LRRC56: variants seen among roughly 807,000 people sequenced by gnomAD.
LRRC56 encodes the protein leucine-rich repeat-containing protein 56.
LRRC56 carries 41 observed loss-of-function variants against 47.8 expected under a neutral mutation model. The observed-to-expected ratio is 0.86, with a 90% confidence interval of 0.67 to 1.11. The LOEUF is 1.11. Ranked by LOEUF, LRRC56 falls within the 50% of genes most tolerant of loss-of-function variation. The pLI, the probability that LRRC56 is intolerant of heterozygous loss-of-function variation, is 0.00. For missense variants in LRRC56, 759 were observed against 704.2 expected, an observed-to-expected ratio of 1.08 and a Z score of -0.88; for synonymous variants, 387 against 311.2, an observed-to-expected ratio of 1.24 and a Z score of -2.56.
chr11:530,317 G>A, the LRRC56 span, among the ~76,000 whole-genome samples: 2 of 152,242 alleles, frequency 1.3e-5, no homozygotes, highest in African/African-American at 2.4e-5. Flanking sequence ...AGCACGGTGT[G>A]GAAGGAGCCA....
intron 6 of LRRC56, among the ~76,000 whole-genome samples, chr11:546,442 C>T (rs1006017294): frequency 1.3e-5 from 2 of 152,034 alleles, no homozygotes; most frequent in African/African-American, 4.8e-5. Context: ...GTGGTGGGCG[C>T]CTGTAGTCCC....
chr11:544,883 G>T, intron 6 of LRRC56, 103 bp downstream of exon 6: 1 of 1,172,572 alleles, frequency 8.5e-7, no homozygotes, highest in Non-Finnish European at 1.2e-6. Context: ...GGGGGGACTT[G>T]GGCTGGGACC....
rs747702052 is a variant in LRRC56 at position 550,272 on chromosome 11, G to A, written c.624G>A (p.Lys208=). The part of the protein sequence containing the change: ...CLQPAPGPTN[K]VPRGYNYRAE... Reference sequence around the variant, plus strand: ...AGCCGGCCCCTGGCCCCACCAACAAGGTGCGTGTCCCGGGCACCCGGCCAG... The same window carrying A: ...AGCCGGCCCCTGGCCCCACCAACAAAGTGCGTGTCCCGGGCACCCGGCCAG... The change falls in exon 8 of 14, where the codon AAG becomes AAA. Residue 208 remains lysine, a splice_region_variant and synonymous_variant. Transcript: ENST00000270115. 6.3e-7 allele frequency: 1 copy of A among 1,578,850 alleles called. No homozygotes were observed. The highest frequency in any genetic ancestry group is 1.8e-5 in the Admixed American group (1 of 55,986).
At position 551,236 on chromosome 11, in the gene LRRC56, C is replaced by A. The variant is rs376758972; in HGVS notation, c.730C>A (p.Arg244=). 1 of 1,546,398 alleles carries A rather than the reference C, an allele frequency of 6.5e-7. No homozygotes were observed. Residue 244 remains arginine, a synonymous_variant, in exon 9 of 14, where the codon CGG becomes AGG. Transcript: ENST00000270115. ...AAHTGPPAPP[R]LSQDWLAVKE... Reference sequence around the variant, plus strand: ...ACACACAGGCCCACCGGCCCCCCCGCGGCTGAGCCAGGACTGGCTTGCGGT... The same window carrying A: ...ACACACAGGCCCACCGGCCCCCCCGAGGCTGAGCCAGGACTGGCTTGCGGT...
Position 552,224 on chromosome 11 carries a change from T to C in LRRC56, c.1173T>C (p.His391=), listed in dbSNP as rs1039070731. 1 of 1,609,398 alleles carries C rather than the reference T, an allele frequency of 6.2e-7. No homozygotes were observed. The highest frequency in any genetic ancestry group is 8.5e-7 in the Non-Finnish European group (1 of 1,177,482). Residue 391 remains histidine (H), a synonymous_variant, in exon 12 of 14, where the codon CAT becomes CAC. Coordinates refer to ENST00000270115, the MANE Select transcript of LRRC56 (RefSeq NM_198075.4). ...ALAGLRAWRE[H]GVRPLPYRHP... Reference sequence around the variant, plus strand: ...CTGGGCTCAGGGCCTGGAGGGAACATGGCGTGCGGTGGGTGTCCCTCCAGC... The same window carrying C: ...CTGGGCTCAGGGCCTGGAGGGAACACGGCGTGCGGTGGGTGTCCCTCCAGC...
chr11:539,796 C>T (rs1306966718), intron 3 of LRRC56, 70 bp downstream of exon 3: 2 of 152,510 alleles, frequency 1.3e-5, no homozygotes, highest in East Asian at 3.8e-4. Flanking sequence ...GAGGGACACA[C>T]TGGGCCAATA....
chr11:538,408 G>A (rs887891055), intron 1 of LRRC56, among the ~76,000 whole-genome samples, 190 bp from the exon 2 acceptor site: 1 of 152,192 alleles, frequency 6.6e-6, no homozygotes. Flanking sequence ...GTGAGGCCTG[G>A]GGCCTTGCAC....
At chr11:517,489 A>G in the LRRC56 span, among the ~76,000 whole-genome samples, 1 of 141,088 alleles carries the variant, frequency 7.1e-6, no homozygotes, top group South Asian at 2.3e-4. Flanking sequence ...CTGCCCAGCC[A>G]CCGCCTTATC....
rs371418306 is a variant in LRRC56 at position 540,759 on chromosome 11, G to A, written c.75G>A (p.Trp25Ter). ...GCGTCCGGGTGCGGGAGCTGAGCTG[G>A]CAAGGCCTGCACAACCCCTGCCCAC... ...TSSVRVRELSWQGLHNPCPQS... is the reference protein window; with the variant it reads ...TSSVRVRELS The change falls in exon 4 of 14, where the codon TGG (tryptophan) becomes TGA (stop). Residue 25 changes from tryptophan to a stop codon, truncating the protein, a stop_gained. Transcript: ENST00000270115. LOFTEE classifies it high-confidence loss of function. 2 of 1,611,122 alleles carry A rather than the reference G, an allele frequency of 1.2e-6. No individual in the cohort carries two copies. The highest frequency in any genetic ancestry group is 2.7e-5 in the African/African-American group (2 of 74,914).
At chr11:542,395 G>C (rs962990578) in intron 5 of LRRC56, among the ~76,000 whole-genome samples, 14 of 151,974 alleles carry the variant, frequency 9.2e-5, no homozygotes, top group African/African-American at 3.1e-4. Flanking sequence ...TGGATCACTT[G>C]AGCCCAGGAG....
At chr11:553,861 GC>G in intron 13 of LRRC56, 101 bp from the exon 14 acceptor site, 1 of 998,578 alleles carries the variant, frequency 1.0e-6, no homozygotes, top group South Asian at 1.5e-5. Flanking sequence ...AAGGACCACT[GC>G]CTCGGGGCTG....
chr11:533,456 C>A (rs2133986135), upstream of LRRC56: 1 of 1,613,174 alleles, frequency 6.2e-7, no homozygotes, highest in South Asian at 1.1e-5. Context: ...GCCTCACCTG[C>A]CGGGTCTTGG....
chr11:550,192 C>G lies in LRRC56; in HGVS notation c.544C>G (p.Gln182Glu). ...VEDLGQVRYL[Q>E]LCPRLAMLTL... The stretch of plus-strand genomic sequence containing the variant: ...GGACCTGGGGCAGGTGCGCTACTTG[C>G]AGCTGTGCCCACGCCTGGCCATGCT... The change falls in exon 8 of 14, where the codon CAG becomes GAG. Residue 182 changes from glutamine to glutamate, a missense_variant. Physicochemically the swap from Gln to Glu is conservative, Grantham distance 29. Coordinates refer to ENST00000270115, the MANE Select transcript of LRRC56 (RefSeq NM_198075.4). 3 of 1,612,934 alleles carry G rather than the reference C, an allele frequency of 1.9e-6. No homozygotes were observed. Among genetic ancestry groups the G allele is most frequent in the Non-Finnish European group, 2.5e-6 (3 of 1,179,802 alleles).
rs10902170 is a variant in LRRC56, at chr11:554,166, C to T, written c.1519C>T (p.Arg507Cys). The T allele has an allele frequency of 3.8e-6, 6 of 1,593,478 alleles. No homozygotes were observed. The African/African-American group carries it at 5.4e-5, about 14-fold the overall frequency. ...PVLRALEVASRLSPRAQGCPG... is the reference protein window; with the variant it reads ...PVLRALEVASCLSPRAQGCPG... ...CCTGAGAGCCCTGGAGGTGGCCTCACGCCTGAGCCCTCGAGCCCAGGGATG... is the reference window on the plus strand; with the variant it reads ...CCTGAGAGCCCTGGAGGTGGCCTCATGCCTGAGCCCTCGAGCCCAGGGATG... Residue 507 changes from arginine to cysteine, a missense_variant, in exon 14 of 14, where the codon CGC becomes TGC. By Grantham distance (180) the Arg-to-Cys change is radical. Transcript: ENST00000270115.
At chr11:533,130 C>G, upstream of LRRC56, 5 of 744,890 alleles carry the variant, frequency 6.7e-6, no homozygotes, top group South Asian at 9.3e-5. Flanking sequence ...GGGCCGGGCC[C>G]CAGGGTCACC....
At chr11:534,393 G>GCT, upstream of LRRC56, 1 of 1,287,464 alleles carries the variant, frequency 7.8e-7, no homozygotes. Context: ...GGAGGGCCCT[G>GCT]CTCAGCCAGG....
At chr11:518,931 C>T in the LRRC56 span, among the ~76,000 whole-genome samples, 12 of 152,100 alleles carry the variant, frequency 7.9e-5, no homozygotes, top group Middle Eastern at 3.4e-3. Flanking sequence ...GTCACGTGAC[C>T]TGGAAACCCC....
At chr11:523,148 C>A in the LRRC56 span, among the ~76,000 whole-genome samples, 18 of 152,256 alleles carry the variant, frequency 1.2e-4, no homozygotes, top group African/African-American at 4.1e-4. Flanking sequence ...CCCTCCCCAG[C>A]CTCCTGAGTG....
intron 6 of LRRC56, among the ~76,000 whole-genome samples, chr11:547,979 A>T (rs573203602): frequency 7.9e-5 from 12 of 152,132 alleles, no homozygotes; most frequent in African/African-American, 2.9e-4. Context: ...TACAAAAATT[A>T]GCCGGGTGTG....
Sources: allele counts gnomAD v4.1 joint callset (sites outside exome capture counted in the v4.1 genomes callset), GRCh38; gene constraint gnomAD v4.1.1; transcripts MANE v1.5; gene names NCBI Gene and HGNC (gene_info 2026-07-23, HGNC 2026-07-21).